Variants in CAPRIN1 observed in about 807,000 individuals in gnomAD.
CAPRIN1 encodes the protein cell cycle associated protein 1.
Under a neutral mutation model 100.9 loss-of-function variants are expected in CAPRIN1, and 29 were observed. The ratio of observed to expected loss-of-function variants is 0.29; its 90% CI spans 0.21 to 0.39. The LOEUF is 0.39. Ranked by LOEUF, CAPRIN1 falls within the 10% of genes least tolerant of loss-of-function variation. The probability of loss-of-function intolerance (pLI) is 1.00; values close to 1 mark genes in which losing one functional copy is unlikely to be tolerated. For synonymous variants in CAPRIN1, 338 were observed against 307.5 expected (o/e 1.10, Z -1.04); for missense variants, 795 against 876.7 (o/e 0.91, Z 1.18).
At chr11:34,052,864 A>C (rs73497025) in intron 2 of CAPRIN1, 257,152 of 1,416,900 alleles carry the variant, frequency 0.18, 24,653 homozygotes, top group African/African-American at 0.21. Flanking sequence ...GCGGCACTGT[A>C]CCCCAGGCCT....
intron 17 of CAPRIN1, among the ~76,000 whole-genome samples, 200 bp from the exon 18 acceptor site, chr11:34,097,498 A>C (rs995254995): frequency 6.6e-6 from 1 of 152,242 alleles, no homozygotes; most frequent in Non-Finnish European, 1.5e-5. Flanking sequence ...TTCCAAGAGC[A>C]GAGAAATATA....
At chr11:34,056,690 A>T (rs957608739) in intron 2 of CAPRIN1, 5 of 152,160 alleles carry the variant, frequency 3.3e-5, no homozygotes, top group African/African-American at 1.2e-4. Flanking sequence ...CTGAAGAGAG[A>T]CCTCATTTGA....
At chr11:34,057,755 G>A (rs1013161486) in intron 2 of CAPRIN1, among the ~76,000 whole-genome samples, 5 of 151,970 alleles carry the variant, frequency 3.3e-5, no homozygotes, top group Admixed American at 6.6e-5. Context: ...TTTTGCTCTC[G>A]TTGCCCAGGC....
At chr11:34,080,226 A>G (rs1850998447) in intron 7 of CAPRIN1, among the ~76,000 whole-genome samples, 1 of 152,142 alleles carries the variant, frequency 6.6e-6, no homozygotes, top group African/African-American at 2.4e-5. Flanking sequence ...CCCGGCCTTG[A>G]CAAAATGTTA....
At chr11:34,079,905 GTTTTT>G (rs377455073) in intron 7 of CAPRIN1, 140 bp downstream of exon 7, 2 of 316,638 alleles carry the variant, frequency 6.3e-6, no homozygotes, top group African/African-American at 5.8e-5. Context: ...GCATGACAAA[GTTTTT>G]TTTTTTTTTT....
chr11:34,095,674 C>T (rs1364524304), intron 15 of CAPRIN1: 2 of 152,178 alleles, frequency 1.3e-5, no homozygotes, highest in Non-Finnish European at 2.9e-5. Context: ...CCTTCCTCAC[C>T]TCCCAAAGGT....
chr11:34,053,403 T>G (rs1850376906), intron 2 of CAPRIN1: 2 of 153,168 alleles, frequency 1.3e-5, no homozygotes. Flanking sequence ...TTTAGATTCG[T>G]TGGGGGCTGG....
intron 15 of CAPRIN1, among the ~76,000 whole-genome samples, chr11:34,093,226 C>T (rs1291763483): frequency 1.4e-5 from 2 of 145,830 alleles, no homozygotes; most frequent in East Asian, 2.1e-4. Context: ...AATGGGGTCT[C>T]TGTCTGTTGC....
chr11:34,090,394 T>G, intron 13 of CAPRIN1, 105 bp downstream of exon 13: 1 of 1,270,614 alleles, frequency 7.9e-7, no homozygotes. Flanking sequence ...TGGACCTACT[T>G]TGCTTTCATG....
Position 34,099,717 on chromosome 11 carries a change from C to T in CAPRIN1, c.*350C>T. 5.0e-6 allele frequency: 1 copy of T among 201,786 alleles called. No homozygotes were observed. The allele number at this position is 201,786 out of a possible 1,614,324, so 12.5% of individuals were successfully genotyped here. On this transcript the variant is annotated 3_prime_UTR_variant, in exon 19 of 19. Transcript: ENST00000341394. ...AAAAAGGCAAGATTGACTTTTATGA[C>T]ATTGGATAAAATCTACAAATCAGCC... is the stretch of plus-strand genomic sequence containing the variant.
chr11:34,052,353 G>A (rs1850335681), intron 1 of CAPRIN1, 68 bp from the exon 2 acceptor site: 2 of 1,291,388 alleles, frequency 1.5e-6, no homozygotes, highest in Non-Finnish European at 1.1e-6. Flanking sequence ...GTCTCGCCCC[G>A]TCCGTCTCCT....
chr11:34,098,924 G>C, intron 18 of CAPRIN1: 1 of 1,039,364 alleles, frequency 9.6e-7, no homozygotes, highest in Non-Finnish European at 1.2e-6. Context: ...TGAAATGTAA[G>C]CTAGAGTGTA....
chr11:34,082,704 T>A (rs1417371329), intron 7 of CAPRIN1, 121 bp from the exon 8 acceptor site: 2 of 706,020 alleles, frequency 2.8e-6, no homozygotes, highest in African/African-American at 3.6e-5. Flanking sequence ...ACTCTTATTG[T>A]TAATAATTCT....
chr11:34,079,605 A>G (rs562545640), intron 6 of CAPRIN1, 23 bp from the exon 7 acceptor site: 9 of 1,606,344 alleles, frequency 5.6e-6, no homozygotes, highest in Middle Eastern at 1.7e-4. Context: ...GTCTTACATT[A>G]TAATTCATGT....
chr11:34,092,128 A>C, intron 15 of CAPRIN1, 72 bp downstream of exon 15: 1 of 1,455,152 alleles, frequency 6.9e-7, no homozygotes, highest in East Asian at 2.3e-5. Context: ...AGGACAGTTT[A>C]GACTTCAGAG....
chr11:34,079,169 A>G (rs922387324), intron 6 of CAPRIN1, among the ~76,000 whole-genome samples: 2 of 152,210 alleles, frequency 1.3e-5, no homozygotes, highest in Admixed American at 6.5e-5. Context: ...GCCCTTTGGG[A>G]AGCCAAGGTG....
At chr11:34,089,483 AG>A in intron 12 of CAPRIN1, 27 bp downstream of exon 12, 1 of 1,429,308 alleles carries the variant, frequency 7.0e-7, no homozygotes, top group Non-Finnish European at 9.8e-7. Flanking sequence ...TATTTTCTTC[AG>A]GGCCAGGTTA....
At chr11:34,070,393 A>T (rs1307037620) in intron 2 of CAPRIN1, among the ~76,000 whole-genome samples, 1 of 152,174 alleles carries the variant, frequency 6.6e-6, no homozygotes, top group African/African-American at 2.4e-5. Context: ...GAAAAAAAAT[A>T]CTTTTTTTCC....
At chr11:34,085,797 C>A (rs1457274671) in intron 9 of CAPRIN1, among the ~76,000 whole-genome samples, 1 of 152,020 alleles carries the variant, frequency 6.6e-6, no homozygotes, top group Admixed American at 6.5e-5. Flanking sequence ...GAGCTAGATT[C>A]CGTCTCGAAA....
Sources: allele counts gnomAD v4.1 joint callset (sites outside exome capture counted in the v4.1 genomes callset), GRCh38; gene constraint gnomAD v4.1.1; transcripts MANE v1.5; gene names NCBI Gene and HGNC (gene_info 2026-07-23, HGNC 2026-07-21).